Variants in ERC2 observed in about 807,000 individuals in gnomAD.
ERC2 encodes ERC protein 2.
A neutral mutation model predicts 114.8 loss-of-function variants in ERC2; 42 were observed. That is an observed-to-expected ratio of 0.37 (90% CI 0.29 to 0.47). The LOEUF (loss-of-function observed/expected upper bound fraction) is 0.47, where lower values mean the gene tolerates loss of function less well. Among genes scored for constraint, ERC2 ranks in the 20% least tolerant of loss-of-function variants. ERC2 has a pLI of 0.99. For synonymous variants in ERC2, 454 were observed against 425.5 expected (o/e 1.07, Z -0.82); for missense variants, 939 against 1,150.7 (o/e 0.82, Z 2.66).
At chr3:56,256,730 C>T (rs1471856483) in intron 3 of ERC2, among the ~76,000 whole-genome samples, 3 of 152,078 alleles carry the variant, frequency 2.0e-5, no homozygotes. Flanking sequence ...GCAATTTCCC[C>T]CATGTGGTTT....
intron 3 of ERC2, among the ~76,000 whole-genome samples, chr3:56,225,583 G>A (rs1055422009): frequency 6.6e-6 from 1 of 152,082 alleles, no homozygotes; most frequent in African/African-American, 2.4e-5. Context: ...TTTCTAATCT[G>A]CAGCAAAATC....
chr3:56,309,367 G>A (rs978122914), intron 2 of ERC2, among the ~76,000 whole-genome samples: 1 of 152,170 alleles, frequency 6.6e-6, no homozygotes, highest in African/African-American at 2.4e-5. Flanking sequence ...ACATGGGAAA[G>A]CCCTCTTGGC....
intron 2 of ERC2, among the ~76,000 whole-genome samples, chr3:56,347,436 C>T (rs1203195347): frequency 2.0e-5 from 3 of 151,924 alleles, no homozygotes; most frequent in African/African-American, 7.3e-5. Flanking sequence ...AAGGCTTGGC[C>T]CGTTCCTCCC....
chr3:56,221,868 G>A (rs1052305055), intron 3 of ERC2, among the ~76,000 whole-genome samples: 1 of 151,928 alleles, frequency 6.6e-6, no homozygotes, highest in Non-Finnish European at 1.5e-5. Flanking sequence ...CTGCACTCCA[G>A]CCTGGGCGAC....
chr3:56,423,574 G>C (rs1262799853), intron 2 of ERC2, among the ~76,000 whole-genome samples: 1 of 152,176 alleles, frequency 6.6e-6, no homozygotes, highest in African/African-American at 2.4e-5. Context: ...CCCAGCCATG[G>C]GTTTGTAAGA....
At chr3:56,346,337 T>C (rs2058305868) in intron 2 of ERC2, among the ~76,000 whole-genome samples, 1 of 152,212 alleles carries the variant, frequency 6.6e-6, no homozygotes, top group African/African-American at 2.4e-5. Context: ...GCCAACTTAA[T>C]GTGATTATTA....
chr3:55,938,977 G>T (rs976947004), intron 13 of ERC2, among the ~76,000 whole-genome samples: 1 of 152,130 alleles, frequency 6.6e-6, no homozygotes, highest in Admixed American at 6.5e-5. Context: ...TTTGGATTTG[G>T]AGTATAGCAT....
At chr3:56,451,450 G>A (rs749690909) in intron 1 of ERC2, among the ~76,000 whole-genome samples, 2 of 152,092 alleles carry the variant, frequency 1.3e-5, no homozygotes, top group Non-Finnish European at 2.9e-5. Flanking sequence ...ATTCATCTAT[G>A]TATTCTGGAA....
intron 17 of ERC2, among the ~76,000 whole-genome samples, chr3:55,617,447 G>A (rs1172431282): frequency 1.3e-5 from 2 of 152,204 alleles, no homozygotes; most frequent in African/African-American, 2.4e-5. Flanking sequence ...TGGCAAGGCT[G>A]TCTCTCAAGG....
At chr3:55,746,995 T>C (rs1269501083) in intron 14 of ERC2, among the ~76,000 whole-genome samples, 1 of 152,254 alleles carries the variant, frequency 6.6e-6, no homozygotes, top group Non-Finnish European at 1.5e-5. Context: ...ATTTTAGGTC[T>C]GCCATCTTGT....
chr3:55,984,597 G>C (rs1008769041), intron 12 of ERC2, among the ~76,000 whole-genome samples: 1 of 151,750 alleles, frequency 6.6e-6, no homozygotes, highest in African/African-American at 2.4e-5. Flanking sequence ...CTTCCCTACC[G>C]CCCATTATGA....
intron 2 of ERC2, among the ~76,000 whole-genome samples, chr3:56,338,515 G>T (rs966833731): frequency 6.6e-6 from 1 of 152,164 alleles, no homozygotes; most frequent in Non-Finnish European, 1.5e-5. Flanking sequence ...TGCCTTCATA[G>T]AACTGTCTAA....
intron 14 of ERC2, among the ~76,000 whole-genome samples, chr3:55,770,618 T>G (rs1034814104): frequency 2.0e-5 from 3 of 152,180 alleles, no homozygotes; most frequent in African/African-American, 7.2e-5. Flanking sequence ...GTTTTTAATT[T>G]TTTAATTTTT....
chr3:55,911,637 A>AT (rs2064820740), intron 13 of ERC2, among the ~76,000 whole-genome samples: 1 of 152,208 alleles, frequency 6.6e-6, no homozygotes, highest in African/African-American at 2.4e-5. Flanking sequence ...ATTCCCAAAT[A>AT]CCCAATTTCT....
intron 17 of ERC2, among the ~76,000 whole-genome samples, chr3:55,567,832 T>C (rs554604358): frequency 1.6e-4 from 25 of 152,280 alleles, no homozygotes; most frequent in African/African-American, 5.8e-4. Context: ...CGGTGATTAG[T>C]GAAGTAACAG....
At chr3:55,539,369 T>A (rs1251614259) in intron 17 of ERC2, among the ~76,000 whole-genome samples, 1 of 151,302 alleles carries the variant, frequency 6.6e-6, no homozygotes, top group African/African-American at 2.4e-5. Flanking sequence ...TATTTTCTTT[T>A]CTTTTATTTT....
intron 14 of ERC2, among the ~76,000 whole-genome samples, chr3:55,842,100 T>C (rs1322017724): frequency 1.3e-5 from 2 of 152,038 alleles, no homozygotes; most frequent in Non-Finnish European, 2.9e-5. Flanking sequence ...TGTCCTCACA[T>C]TAAAAAAAAT....
At chr3:56,275,847 GCTA>G (rs1224322439) in intron 3 of ERC2, among the ~76,000 whole-genome samples, 1 of 152,182 alleles carries the variant, frequency 6.6e-6, no homozygotes, top group East Asian at 1.9e-4. Context: ...GGGGAGTAAT[GCTA>G]CTAACATCTG....
chr3:55,955,483 A>T (rs566844491), intron 12 of ERC2, among the ~76,000 whole-genome samples: 1 of 152,168 alleles, frequency 6.6e-6, no homozygotes, highest in Non-Finnish European at 1.5e-5. Flanking sequence ...TATACATGGA[A>T]TCATATCGTA....
Sources: allele counts gnomAD v4.1 joint callset (sites outside exome capture counted in the v4.1 genomes callset), GRCh38; gene constraint gnomAD v4.1.1; transcripts MANE v1.5; gene names NCBI Gene and HGNC (gene_info 2026-07-23, HGNC 2026-07-21).